The following ADAD1 variants were observed in gnomAD, a reference collection of about 807,000 sequenced individuals.
ADAD1 encodes the protein adenosine deaminase domain containing 1.
In ADAD1, 46 loss-of-function variants were observed where a neutral mutation model predicts 66.8. That is an observed-to-expected ratio of 0.69 (90% CI 0.54 to 0.88). The LOEUF is 0.88. Ranked by LOEUF, ADAD1 falls within the 40% of genes least tolerant of loss-of-function variation. ADAD1 has a pLI of 0.00. For missense variants in ADAD1, 617 were observed against 681.8 expected (o/e 0.91, Z 1.06); for synonymous variants, 248 against 229.4 (o/e 1.08, Z -0.73).
At chr4:122,399,197 A>G (rs1795854358) in intron 7 of ADAD1, among the ~76,000 whole-genome samples, 1 of 152,136 alleles carries the variant, frequency 6.6e-6, no homozygotes, top group Non-Finnish European at 1.5e-5. Flanking sequence ...TGGCTTGCCA[A>G]TTATCCCAGC....
chr4:122,386,711 T>G (rs1241427860), intron 5 of ADAD1, among the ~76,000 whole-genome samples: 1 of 152,226 alleles, frequency 6.6e-6, no homozygotes, highest in Non-Finnish European at 1.5e-5. Flanking sequence ...TTAATTTTTG[T>G]ATAAGGTGTA....
At chr4:122,428,869 A>G (rs1206362696) in intron 12 of ADAD1, among the ~76,000 whole-genome samples, 1 of 152,048 alleles carries the variant, frequency 6.6e-6, no homozygotes, top group Non-Finnish European at 1.5e-5. Flanking sequence ...ACACCAAACA[A>G]TGCACTTAAC....
At chr4:122,424,772 T>C (rs1015821859) in intron 12 of ADAD1, among the ~76,000 whole-genome samples, 6 of 152,102 alleles carry the variant, frequency 3.9e-5, no homozygotes, top group African/African-American at 1.4e-4. Context: ...TCCAGTCAAA[T>C]GACAGATTGT....
chr4:122,401,729 C>T (rs1795991647), intron 7 of ADAD1, among the ~76,000 whole-genome samples: 1 of 152,052 alleles, frequency 6.6e-6, no homozygotes, highest in African/African-American at 2.4e-5. Context: ...TGGACTAATC[C>T]TTTTATCATT....
chr4:122,415,753 T>A, intron 11 of ADAD1, 137 bp downstream of exon 11: 1 of 816,756 alleles, frequency 1.2e-6, no homozygotes, highest in Middle Eastern at 3.5e-4. Flanking sequence ...CAAGTGTGAC[T>A]ATGTTACAGG....
intron 7 of ADAD1, among the ~76,000 whole-genome samples, chr4:122,398,182 C>A (rs1371067289): frequency 2.0e-5 from 3 of 151,862 alleles, no homozygotes; most frequent in Admixed American, 1.3e-4. Context: ...TCCATTATAT[C>A]ATTCTTATGC....
At chr4:122,405,705 A>T (rs1379622220) in intron 7 of ADAD1, among the ~76,000 whole-genome samples, 1 of 152,152 alleles carries the variant, frequency 6.6e-6, no homozygotes, top group Non-Finnish European at 1.5e-5. Flanking sequence ...TTACAACTCC[A>T]AGTTTGTACC....
At chr4:122,420,568 G>A (rs1428966263) in intron 11 of ADAD1, among the ~76,000 whole-genome samples, 1 of 152,222 alleles carries the variant, frequency 6.6e-6, no homozygotes, top group Non-Finnish European at 1.5e-5. Flanking sequence ...CATGCCTGTT[G>A]ATGTGAGGAT....
chr4:122,417,969 G>GT (rs940279369), intron 11 of ADAD1, among the ~76,000 whole-genome samples: 49 of 152,248 alleles, frequency 3.2e-4, no homozygotes, highest in African/African-American at 1.1e-3. Flanking sequence ...ATCAGAACTT[G>GT]TAGGTTATAC....
Position 122,380,161 on chromosome 4 carries a change from A to G in ADAD1, c.92A>G (p.Lys31Arg). 1 of 1,614,162 alleles carries G rather than the reference A, an allele frequency of 6.2e-7. No homozygotes were observed. The highest frequency in any genetic ancestry group is 1.7e-5 in the Admixed American group (1 of 60,014). ...KKNLPVQPATKTITTPTGWSS... is the reference protein window; with the variant it reads ...KKNLPVQPATRTITTPTGWSS... ...AACCTGCCAGTTCAACCAGCGACAA[A>G]GACGATAACTACACCCACAGGATGG... Residue 31 changes from lysine to arginine, a missense_variant, in exon 3 of 13, where the codon AAG becomes AGG. Physicochemically the swap from Lys to Arg is conservative, Grantham distance 26 (BLOSUM62 2). Transcript: ENST00000296513.
chr4:122,405,969 T>A (rs192530678), intron 7 of ADAD1, among the ~76,000 whole-genome samples: 5 of 152,342 alleles, frequency 3.3e-5, no homozygotes, highest in Non-Finnish European at 2.9e-5. Flanking sequence ...GGTTTCTTTA[T>A]CTGTTCCTTT....
chr4:122,408,465 A>G, intron 8 of ADAD1, among the ~76,000 whole-genome samples: 1 of 152,166 alleles, frequency 6.6e-6, no homozygotes, highest in Non-Finnish European at 1.5e-5. Flanking sequence ...TAGTAGAGAC[A>G]AGGTTTCACC....
At chr4:122,408,072 C>A in intron 8 of ADAD1, 41 bp downstream of exon 8, 1 of 1,564,080 alleles carries the variant, frequency 6.4e-7, no homozygotes, top group Non-Finnish European at 8.7e-7. Flanking sequence ...ATATGAATGC[C>A]CTCAGCCCAA....
At chr4:122,406,964 T>A (rs551526829) in intron 7 of ADAD1, among the ~76,000 whole-genome samples, 6 of 152,278 alleles carry the variant, frequency 3.9e-5, no homozygotes, top group African/African-American at 1.4e-4. Context: ...CTGTTTCTTC[T>A]GCTGTAAGCC....
intron 12 of ADAD1, among the ~76,000 whole-genome samples, chr4:122,421,885 A>C (rs922512895): frequency 1.3e-5 from 2 of 152,042 alleles, no homozygotes; most frequent in Admixed American, 6.5e-5. Context: ...CATAAACATA[A>C]TGTAAGTTTA....
intron 12 of ADAD1, among the ~76,000 whole-genome samples, chr4:122,425,945 A>C (rs1479405587): frequency 6.6e-6 from 1 of 152,100 alleles, no homozygotes; most frequent in Non-Finnish European, 1.5e-5. Context: ...AAGAAGCCAG[A>C]AGAAGAAGAG....
At chr4:122,413,672 C>T (rs1050565412) in intron 10 of ADAD1, among the ~76,000 whole-genome samples, 7 of 151,718 alleles carry the variant, frequency 4.6e-5, no homozygotes, top group Admixed American at 3.9e-4. Context: ...AAATATAGTT[C>T]GTGGACTTTT....
rs575519421 is a variant in ADAD1, at chr4:122,379,061, T to C, written c.-137T>C. ...CCAAGCCTTCCCCATGGGCACCTTC[T>C]CAGATTGCGATTGTGGATGAAATGA... On this transcript the variant is annotated 5_prime_UTR_variant, in exon 1 of 13. Transcript: ENST00000296513. 6.6e-6 allele frequency: 1 copy of C among 152,442 alleles called. No homozygotes were observed. Among genetic ancestry groups the C allele is most frequent in the Admixed American group, 6.5e-5 (1 of 15,294 alleles). 9.4% of individuals were successfully genotyped at this position (152,442 alleles called of 1,614,324 possible).
At chr4:122,411,530 CA>C (rs980636797) in intron 9 of ADAD1, 138 bp downstream of exon 9, 14 of 802,566 alleles carry the variant, frequency 1.7e-5, no homozygotes, top group African/African-American at 3.7e-5. Context: ...TTGTGGCCTG[CA>C]GGAGACCCCA....
Sources: gnomAD v4.1 joint callset for allele counts (sites outside exome capture counted in the v4.1 genomes callset) on GRCh38, gnomAD v4.1.1 for gene constraint, MANE v1.5 for transcripts, NCBI Gene and HGNC (gene_info 2026-07-23, HGNC 2026-07-21) for gene names.